FBXL17: variants seen among roughly 807,000 people sequenced by gnomAD.
FBXL17 encodes F-box and leucine rich repeat protein 17, also known as F-box/LRR-repeat protein 17.
Under a neutral mutation model 66.2 loss-of-function variants are expected in FBXL17, and 22 were observed. That is an observed-to-expected ratio of 0.33 (90% CI 0.24 to 0.47). FBXL17 has a LOEUF of 0.47. Ranked by LOEUF, FBXL17 falls within the 20% of genes least tolerant of loss-of-function variation. The pLI is 1.00. For synonymous variants in FBXL17, 474 were observed against 400.5 expected (o/e 1.18, Z -2.19); for missense variants, 878 against 948.2 (o/e 0.93, Z 0.97).
chr5:108,161,899 A>G (rs993659814), intron 6 of FBXL17, among the ~76,000 whole-genome samples: 1 of 152,224 alleles, frequency 6.6e-6, no homozygotes, highest in Non-Finnish European at 1.5e-5. Context: ...GGTTAAAGAA[A>G]AGTACAATAT....
chr5:108,070,279 A>G (rs2112861275), intron 6 of FBXL17, among the ~76,000 whole-genome samples: 1 of 152,346 alleles, frequency 6.6e-6, no homozygotes, highest in Non-Finnish European at 1.5e-5. Flanking sequence ...GCATTAATCT[A>G]CACAAAGTGT....
At chr5:108,245,220 C>A (rs942143335) in intron 4 of FBXL17, among the ~76,000 whole-genome samples, 5 of 152,044 alleles carry the variant, frequency 3.3e-5, no homozygotes, top group Middle Eastern at 3.2e-3. Context: ...AGCAAGAGCA[C>A]GACCTTCAAA....
At chr5:107,913,385 T>C (rs1351805782) in intron 7 of FBXL17, among the ~76,000 whole-genome samples, 3 of 152,240 alleles carry the variant, frequency 2.0e-5, no homozygotes, top group Middle Eastern at 3.4e-3. Flanking sequence ...GAGAAGTATA[T>C]GTGCAGATGG....
At chr5:108,039,730 A>G (rs1026026196) in intron 6 of FBXL17, among the ~76,000 whole-genome samples, 2 of 152,134 alleles carry the variant, frequency 1.3e-5, no homozygotes, top group Admixed American at 1.3e-4. Context: ...GCAAATTCAC[A>G]GAAGGCTACC....
chr5:108,129,422 A>G (rs1377003421), intron 6 of FBXL17, among the ~76,000 whole-genome samples: 1 of 152,058 alleles, frequency 6.6e-6, no homozygotes, highest in Non-Finnish European at 1.5e-5. Flanking sequence ...CACTCTTAAA[A>G]TAGACAACCT....
intron 4 of FBXL17, among the ~76,000 whole-genome samples, chr5:108,275,181 G>C (rs1288519855): frequency 6.6e-6 from 1 of 152,196 alleles, no homozygotes; most frequent in Non-Finnish European, 1.5e-5. Context: ...AACTTATAAA[G>C]TAGAGGATAA....
chr5:108,287,471 C>T (rs1757943951), intron 4 of FBXL17, among the ~76,000 whole-genome samples: 1 of 151,872 alleles, frequency 6.6e-6, no homozygotes, highest in African/African-American at 2.4e-5. Flanking sequence ...TGAACAGACA[C>T]TTCTCAAAAG....
intron 6 of FBXL17, among the ~76,000 whole-genome samples, chr5:108,026,660 A>T (rs1754838638): frequency 6.6e-6 from 1 of 152,226 alleles, no homozygotes; most frequent in South Asian, 2.1e-4. Flanking sequence ...AGTTAACAAC[A>T]ATTATCTCCG....
chr5:107,997,996 A>C (rs958944867), intron 7 of FBXL17, among the ~76,000 whole-genome samples: 2 of 152,244 alleles, frequency 1.3e-5, no homozygotes, highest in African/African-American at 4.8e-5. Flanking sequence ...TACACTGTCC[A>C]AAGACACACA....
At chr5:107,899,302 G>A (rs1033115643) in intron 7 of FBXL17, among the ~76,000 whole-genome samples, 3 of 152,052 alleles carry the variant, frequency 2.0e-5, no homozygotes, top group South Asian at 2.1e-4. Flanking sequence ...TCATGTTATC[G>A]GTAAGCATTC....
intron 6 of FBXL17, among the ~76,000 whole-genome samples, chr5:108,131,649 G>C (rs1750936721): frequency 6.6e-6 from 1 of 151,914 alleles, no homozygotes; most frequent in Non-Finnish European, 1.5e-5. Flanking sequence ...ACAAATTTTT[G>C]CTACAGAGGA....
At chr5:108,276,529 A>G (rs1451454280) in intron 4 of FBXL17, among the ~76,000 whole-genome samples, 1 of 152,170 alleles carries the variant, frequency 6.6e-6, no homozygotes, top group Admixed American at 6.5e-5. Context: ...TCAGTATAAA[A>G]CACTGCAATC....
At chr5:107,944,117 C>T (rs1027685475) in intron 7 of FBXL17, among the ~76,000 whole-genome samples, 7 of 152,174 alleles carry the variant, frequency 4.6e-5, no homozygotes, top group African/African-American at 1.7e-4. Flanking sequence ...GTAAGCCTTC[C>T]TTGACTCCTC....
chr5:107,864,637 T>C (rs1446361850), intron 8 of FBXL17, among the ~76,000 whole-genome samples: 2 of 152,150 alleles, frequency 1.3e-5, no homozygotes, highest in South Asian at 2.1e-4. Flanking sequence ...TCTCGAGATC[T>C]GGTTGTTTAA....
chr5:108,112,926 T>A (rs1750095128), intron 6 of FBXL17, among the ~76,000 whole-genome samples: 1 of 149,806 alleles, frequency 6.7e-6, no homozygotes, highest in Admixed American at 6.6e-5. Flanking sequence ...TTATGTCACA[T>A]CTCACTGGTC....
intron 4 of FBXL17, among the ~76,000 whole-genome samples, chr5:108,304,722 CCTCTTTCTCT>C (rs1247465248): frequency 2.0e-5 from 3 of 151,866 alleles, no homozygotes; most frequent in Non-Finnish European, 2.9e-5. Flanking sequence ...CACCAAGAAA[CCTCTTTCTCT>C]CTCTCCCTCA....
intron 1 of FBXL17, among the ~76,000 whole-genome samples, chr5:108,370,519 T>G (rs1580910044): frequency 6.6e-6 from 1 of 151,936 alleles, no homozygotes; most frequent in Admixed American, 6.6e-5. Flanking sequence ...CCGAGGCAGG[T>G]GGATCATGAG....
At chr5:108,190,257 G>GT (rs1753417661) in intron 5 of FBXL17, among the ~76,000 whole-genome samples, 1 of 152,320 alleles carries the variant, frequency 6.6e-6, no homozygotes, top group East Asian at 1.9e-4. Flanking sequence ...AAAGCACAGA[G>GT]TGAGAGGCTT....
At chr5:107,958,049 T>C (rs1390088512) in intron 7 of FBXL17, among the ~76,000 whole-genome samples, 1 of 151,584 alleles carries the variant, frequency 6.6e-6, no homozygotes, top group Non-Finnish European at 1.5e-5. Flanking sequence ...TAAGTTGAAA[T>C]AGTTCAATGG....
Sources: allele counts gnomAD v4.1 joint callset (sites outside exome capture counted in the v4.1 genomes callset), GRCh38; gene constraint gnomAD v4.1.1; transcripts MANE v1.5; gene names NCBI Gene and HGNC (gene_info 2026-07-23, HGNC 2026-07-21).